The following CRIM1 variants were observed in gnomAD, a reference collection of about 807,000 sequenced individuals.
CRIM1 encodes cysteine rich transmembrane BMP regulator 1.
In CRIM1, 32 loss-of-function variants were observed where a neutral mutation model predicts 116.4. The ratio of observed to expected loss-of-function variants is 0.27; its 90% CI spans 0.21 to 0.37. The LOEUF (loss-of-function observed/expected upper bound fraction) is 0.37. CRIM1 is among the 10% of genes least tolerant of loss of function. The pLI is 1.00. For synonymous variants in CRIM1, 590 were observed against 509.2 expected, an observed-to-expected ratio of 1.16 and a Z score of -2.13; for missense variants, 1,331 against 1,354.8, an observed-to-expected ratio of 0.98 and a Z score of 0.28.
intron 7 of CRIM1, among the ~76,000 whole-genome samples, chr2:36,487,878 C>T (rs1679950144): frequency 6.6e-6 from 1 of 152,160 alleles, no homozygotes; most frequent in South Asian, 2.1e-4. Flanking sequence ...TGGTCATATA[C>T]TGTATTACAA....
Position 36,510,115 on chromosome 2 carries a change from AC to A in CRIM1, c.1635del (p.Asp545GlufsTer9). 1 of 1,613,986 alleles carries A rather than the reference AC, an allele frequency of 6.2e-7. No homozygotes were observed. The highest frequency in any genetic ancestry group is 1.1e-5 in the South Asian group (1 of 91,034). On this transcript the variant is annotated frameshift_variant, in exon 9 of 17. Transcript: ENST00000280527. LOFTEE classifies it high-confidence loss of function. ...AAGAAGTGCAGACCCATAATCTGTG[AC>A]AAGTATTGTCCACTTGGATTGCTGT... ...RPKKCRPIIC[D>X]KYCPLGLLKN...
chr2:36,412,625 A>G (rs1237833846), intron 2 of CRIM1, among the ~76,000 whole-genome samples: 1 of 152,208 alleles, frequency 6.6e-6, no homozygotes, highest in Non-Finnish European at 1.5e-5. Context: ...CATATGACTC[A>G]TATCAAAGTT....
At chr2:36,452,770 C>G (rs764155872) in intron 4 of CRIM1, among the ~76,000 whole-genome samples, 4 of 152,102 alleles carry the variant, frequency 2.6e-5, no homozygotes, top group African/African-American at 4.8e-5. Flanking sequence ...AGGGAAGGCT[C>G]TCAGTCAGTG....
chr2:36,402,857 G>A (rs1052289092), intron 2 of CRIM1, among the ~76,000 whole-genome samples: 3 of 151,978 alleles, frequency 2.0e-5, no homozygotes, highest in African/African-American at 7.3e-5. Flanking sequence ...GGGAGGACCA[G>A]ATTTAGGAAG....
chr2:36,397,437 C>T (rs1255915351), intron 2 of CRIM1, among the ~76,000 whole-genome samples: 3 of 152,202 alleles, frequency 2.0e-5, no homozygotes, highest in South Asian at 4.1e-4. Flanking sequence ...GAGTGAAGTA[C>T]CCAGAGCTTG....
intron 13 of CRIM1, among the ~76,000 whole-genome samples, chr2:36,524,226 T>G (rs1364564948): frequency 6.6e-6 from 1 of 152,172 alleles, no homozygotes; most frequent in Non-Finnish European, 1.5e-5. Context: ...ACTCTACCCC[T>G]AAGCTTTCTA....
chr2:36,473,401 G>T (rs895656578), intron 5 of CRIM1, among the ~76,000 whole-genome samples: 4 of 152,086 alleles, frequency 2.6e-5, no homozygotes, highest in African/African-American at 9.7e-5. Flanking sequence ...AACTTAAGTT[G>T]TGCAATTCTG....
chr2:36,548,459 C>G (rs1667512693), intron 16 of CRIM1, 66 bp from the exon 17 acceptor site: 10 of 1,231,382 alleles, frequency 8.1e-6, no homozygotes, highest in Non-Finnish European at 1.0e-5. Context: ...TACTAAATTT[C>G]TGTTCATTTG....
chr2:36,521,524 T>C (rs1402148497), intron 12 of CRIM1, among the ~76,000 whole-genome samples: 2 of 152,238 alleles, frequency 1.3e-5, no homozygotes, highest in Non-Finnish European at 2.9e-5. Context: ...CAGATGTTTA[T>C]CAGCATTGAT....
At position 36,548,940 on chromosome 2, in the gene CRIM1, G is replaced by T. The variant is rs1667551655; in HGVS notation, c.*239G>T. The T allele has an allele frequency of 1.1e-5, 3 of 266,682 alleles. No individual in the cohort carries two copies. Among genetic ancestry groups the T allele is most frequent in the African/African-American group, 2.2e-5 (1 of 45,186 alleles). The allele number at this position is 266,682 out of a possible 1,614,324, so 16.5% of individuals were successfully genotyped here. A position where few individuals can be genotyped will look rare whatever the true frequency, so the allele number is the denominator to read the frequency against. On this transcript the variant is annotated 3_prime_UTR_variant, in exon 17 of 17. Coordinates refer to ENST00000280527, the MANE Select transcript of CRIM1 (RefSeq NM_016441.3). Reference sequence around the variant, plus strand: ...GAACCAAAGTTTTTAAAGTTGCTAAGATATATTTGCCTGTAAGATAGCTGT... The same window carrying T: ...GAACCAAAGTTTTTAAAGTTGCTAATATATATTTGCCTGTAAGATAGCTGT...
chr2:36,513,232 A>G, intron 10 of CRIM1: 1 of 294,010 alleles, frequency 3.4e-6, no homozygotes, highest in Non-Finnish European at 6.5e-6. Context: ...TTCTGAATAC[A>G]TTCAACATAT....
rs1247627342 is a variant in CRIM1, at chr2:36,464,590, C to T, written c.926C>T (p.Pro309Leu). The T allele has an allele frequency of 6.2e-7, 1 of 1,613,954 alleles. No homozygotes were observed. The highest frequency in any genetic ancestry group is 8.5e-7 in the Non-Finnish European group (1 of 1,180,006). The change falls in exon 5 of 17, where the codon CCC becomes CTC. Residue 309 changes from proline (P) to leucine (L), a missense_variant. By Grantham distance (98) the Pro-to-Leu change is moderately conservative. This residue lies in a region of CRIM1 where 690 missense variants were observed against 676.0 expected (regional missense o/e 1.02). Coordinates refer to ENST00000280527, the MANE Select transcript of CRIM1 (RefSeq NM_016441.3). ...GFPVCEVGST[P>L]RIVSRGDGTP... ...CCCGTGTGTGAGGTGGGATCCACTC[C>T]CCGCATAGTCTCTCGTGGCGATGGG... is the stretch of plus-strand genomic sequence containing the variant.
At chr2:36,487,799 T>C (rs1217408929) in intron 7 of CRIM1, among the ~76,000 whole-genome samples, 1 of 152,134 alleles carries the variant, frequency 6.6e-6, no homozygotes, top group African/African-American at 2.4e-5. Flanking sequence ...GGTGTGTTTA[T>C]AAAAAAAATC....
chr2:36,379,786 A>G (rs947022346), intron 1 of CRIM1, among the ~76,000 whole-genome samples: 2 of 145,594 alleles, frequency 1.4e-5, no homozygotes, highest in African/African-American at 5.1e-5. Flanking sequence ...ATTGCTTAGA[A>G]TGAGATGAAT....
chr2:36,441,846 C>T (rs913828131), intron 3 of CRIM1, among the ~76,000 whole-genome samples: 1 of 152,192 alleles, frequency 6.6e-6, no homozygotes, highest in African/African-American at 2.4e-5. Flanking sequence ...ACCTTATTTG[C>T]AGCTATATCT....
intron 2 of CRIM1, among the ~76,000 whole-genome samples, chr2:36,440,992 G>A (rs992466774): frequency 6.6e-6 from 1 of 152,098 alleles, no homozygotes; most frequent in Non-Finnish European, 1.5e-5. Context: ...TCTTCATTTT[G>A]GTCATTGCTC....
At chr2:36,374,363 TA>T (rs558947736) in intron 1 of CRIM1, among the ~76,000 whole-genome samples, 6 of 152,350 alleles carry the variant, frequency 3.9e-5, no homozygotes, top group African/African-American at 1.4e-4. Flanking sequence ...AATGCTACTG[TA>T]AAGGGATAAC....
intron 13 of CRIM1, among the ~76,000 whole-genome samples, chr2:36,524,030 A>G (rs1241373119): frequency 6.6e-6 from 1 of 152,224 alleles, no homozygotes; most frequent in Non-Finnish European, 1.5e-5. Flanking sequence ...GTTCTGTTTT[A>G]AAAGCTAGAT....
intron 2 of CRIM1, among the ~76,000 whole-genome samples, chr2:36,439,791 G>A (rs1675643802): frequency 6.6e-6 from 1 of 152,068 alleles, no homozygotes; most frequent in African/African-American, 2.4e-5. Flanking sequence ...TCCCCTCATA[G>A]CACATATCAC....
Sources: allele counts gnomAD v4.1 joint callset (sites outside exome capture counted in the v4.1 genomes callset), GRCh38; gene constraint gnomAD v4.1.1; regional missense constraint gnomAD v4.1.1; transcripts MANE v1.5; gene names NCBI Gene and HGNC (gene_info 2026-07-23, HGNC 2026-07-21).